ASB18: variants seen among roughly 807,000 people sequenced by gnomAD.
ASB18 encodes the protein ankyrin repeat and SOCS box containing 18.
A neutral mutation model predicts 33.4 loss-of-function variants in ASB18; 33 were observed. The ratio of observed to expected loss-of-function variants is 0.99; its 90% CI spans 0.75 to 1.32. ASB18 has a LOEUF of 1.32. Ranked by LOEUF, ASB18 falls within the 40% of genes most tolerant of loss-of-function variation. The pLI is 0.00. For synonymous variants in ASB18, 295 were observed against 307.6 expected (o/e 0.96, Z 0.43); for missense variants, 694 against 655.5 (o/e 1.06, Z -0.64).
chr2:236,264,342 A>G lies in ASB18; in HGVS notation c.4T>C (p.Ser2Pro). 6 of 1,613,920 alleles carry G rather than the reference A, an allele frequency of 3.7e-6. No individual in the cohort carries two copies. The highest frequency in any genetic ancestry group is 4.2e-6 in the Non-Finnish European group (5 of 1,179,806). M[S>P]NSDYLPDYPL... ...TAGTCGGGAAGGTAATCCGAGTTGG[A>G]CATTGTTACGTCGTTTCTGCAGTGA... The change falls in exon 1 of 6, where the codon TCC (serine) becomes CCC (proline). Residue 2 changes from serine (S) to proline (P), a missense_variant. Coordinates refer to ENST00000409749, the MANE Select transcript of ASB18 (RefSeq NM_212556.4). The surrounding 1 kb of genome is among the most constrained non-coding windows in gnomAD (Gnocchi z 5.1).
Position 236,250,557 on chromosome 2 carries a change from T to A in ASB18, c.206-9155A>T, listed in dbSNP as rs2060664013. The A allele has an allele frequency of 6.6e-6, 1 of 152,236 alleles. No homozygotes were observed. The highest frequency in any genetic ancestry group is 2.4e-5 in the African/African-American group (1 of 41,458). The allele number at this position is 152,236 out of a possible 1,614,324, so 9.4% of individuals were successfully genotyped here. A position where few individuals can be genotyped will look rare whatever the true frequency, so the allele number is the denominator to read the frequency against. ...GGTCAATTTCCTTCACCCCTTTTTTTACCTGGAGGGTTTCTGTAAATGGCC... is the reference window on the plus strand; with the variant it reads ...GGTCAATTTCCTTCACCCCTTTTTTAACCTGGAGGGTTTCTGTAAATGGCC... On this transcript the variant is annotated intron_variant, in intron 1 of 5. Coordinates refer to ENST00000409749, the MANE Select transcript of ASB18 (RefSeq NM_212556.4). This position sits in a 1 kb window ranked among gnomAD's most constrained non-coding sequence, Gnocchi z 4.1.
chr2:236,227,953 C>T (rs2060548244), intron 3 of ASB18, among the ~76,000 whole-genome samples: 1 of 152,212 alleles, frequency 6.6e-6, no homozygotes, highest in African/African-American at 2.4e-5. Context: ...AGCCTCAGCC[C>T]CTTACAGGGT....
rs899692241 is a variant in ASB18, at chr2:236,231,570, C to T, written c.596+6119G>A. On this transcript the variant is annotated intron_variant, in intron 3 of 5. Coordinates refer to ENST00000409749, the MANE Select transcript of ASB18 (RefSeq NM_212556.4). This position sits in a 1 kb window ranked among gnomAD's most constrained non-coding sequence, Gnocchi z 5.5. ...AATCTGCTGGCAACTTGATCTTGGA[C>T]TTCCCAGCCTCCAGGACTGTGAGAA... Among the ~76,000 whole-genome samples the T allele has an allele frequency of 1.2e-4, 19 of 152,168 alleles. No individual in the cohort carries two copies. Among genetic ancestry groups the T allele is most frequent in the Admixed American group, 1.2e-3 (19 of 15,266 alleles).
At position 236,252,476 on chromosome 2, in the gene ASB18, C is replaced by G. The variant is rs2060672665; in HGVS notation, c.206-11074G>C. ...ATGGGGTAGGGATAGGGCCAGCTTC[C>G]CCCTAATATGGCATCTGAGCAAAGT... is the stretch of plus-strand genomic sequence containing the variant. On this transcript the variant is annotated intron_variant, in intron 1 of 5. Transcript: ENST00000409749. The surrounding 1 kb of genome is among the most constrained non-coding windows in gnomAD (Gnocchi z 7.9). Among the ~76,000 whole-genome samples, 1 of 152,042 alleles carries G rather than the reference C, an allele frequency of 6.6e-6. No individual in the cohort carries two copies. The highest frequency in any genetic ancestry group is 2.4e-5 in the African/African-American group (1 of 41,366).
At position 236,244,808 on chromosome 2, in the gene ASB18, C is replaced by T. The variant is rs1193187787; in HGVS notation, c.206-3406G>A. 6.6e-5 allele frequency among the ~76,000 whole-genome samples: 10 copies of T among 152,272 alleles called. No homozygotes were observed. The highest frequency in any genetic ancestry group is 1.9e-4 in the East Asian group (1 of 5,180). ...TTGCAGCAAAGGGTGGAGTAGAAAT[C>T]GAACACATTTATGGTTTGATATAGA... On this transcript the variant is annotated intron_variant, in intron 1 of 5. Coordinates refer to ENST00000409749, the MANE Select transcript of ASB18 (RefSeq NM_212556.4). This position sits in a 1 kb window ranked among gnomAD's most constrained non-coding sequence, Gnocchi z 6.1.
chr2:236,237,759 C>T lies in ASB18; in HGVS notation c.526G>A (p.Ala176Thr). ...ACVRLLLQHRADPDLLSAEGL... is the reference protein window; with the variant it reads ...ACVRLLLQHRTDPDLLSAEGL... ...TCGGCGCTGAGCAGGTCGGGGTCGGCGCGGTGCTGCAGCAGCAGGCGGACG... is the reference window on the plus strand; with the variant it reads ...TCGGCGCTGAGCAGGTCGGGGTCGGTGCGGTGCTGCAGCAGCAGGCGGACG... The change falls in exon 3 of 6, where the codon GCC becomes ACC. Residue 176 changes from alanine to threonine, a missense_variant. By Grantham distance (58) the Ala-to-Thr change is moderately conservative. Transcript: ENST00000409749. This position sits in a 1 kb window ranked among gnomAD's most constrained non-coding sequence, Gnocchi z 6.2. 5.5e-6 allele frequency: 8 copies of T among 1,454,212 alleles called. No individual in the cohort carries two copies. The highest frequency in any genetic ancestry group is 6.3e-6 in the Non-Finnish European group (7 of 1,108,500). The allele number at this position is 1,454,212 out of a possible 1,614,324, so 90.1% of individuals were successfully genotyped here.
rs993408092 is a variant in ASB18, at chr2:236,261,871, C to G, written c.205+2270G>C. On this transcript the variant is annotated intron_variant, in intron 1 of 5. Coordinates refer to ENST00000409749, the MANE Select transcript of ASB18 (RefSeq NM_212556.4). ...AAGGAGAGCCAAGTGAAAGGGGAAG[C>G]CCCTTATAAAACCATCAGATCTCGT... Among the ~76,000 whole-genome samples, 4 of 152,236 alleles carry G rather than the reference C, an allele frequency of 2.6e-5. No individual in the cohort carries two copies. In the East Asian group the frequency reaches 7.7e-4, roughly 29 times the overall value.
rs556181632 is a variant in ASB18, at chr2:236,220,208, C to T, written c.597-5342G>A. On this transcript the variant is annotated intron_variant, in intron 3 of 5. Transcript: ENST00000409749. This position sits in a 1 kb window ranked among gnomAD's most constrained non-coding sequence, Gnocchi z 5.1. ...GGGACTTTGGCCACTCCCTGCACAC[C>T]CTCCCATCCACCCTCCAGCACCTTC... Among the ~76,000 whole-genome samples the T allele has an allele frequency of 6.6e-6, 1 of 152,302 alleles. No homozygotes were observed. Among genetic ancestry groups the T allele is most frequent in the Admixed American group, 6.5e-5 (1 of 15,302 alleles).
chr2:236,252,267 T>TCTCACACA lies in ASB18; in HGVS notation c.206-10866_206-10865insTGTGTGAG, dbSNP rs141179555. On this transcript the variant is annotated intron_variant, in intron 1 of 5. Coordinates refer to ENST00000409749, the MANE Select transcript of ASB18 (RefSeq NM_212556.4). The surrounding 1 kb of genome is among the most constrained non-coding windows in gnomAD (Gnocchi z 7.9). Reference sequence around the variant, plus strand: ...GCCTTGGCAACAGAGTGAGACTCCGTCACACACACACACACACACACACAC... The same window carrying TCTCACACA: ...GCCTTGGCAACAGAGTGAGACTCCGTCTCACACACACACACACACACACACACACACAC... Among the ~76,000 whole-genome samples, 7 of 138,580 alleles carry TCTCACACA rather than the reference T, an allele frequency of 5.1e-5. No individual in the cohort carries two copies. The highest frequency in any genetic ancestry group is 9.4e-5 in the Non-Finnish European group (6 of 63,826). The allele number at this position is 138,580 out of a possible 152,430, so 90.9% of individuals were successfully genotyped here.
rs1217346447 is a variant in ASB18, at chr2:236,237,362, G to GGGGGCC, written c.596+321_596+326dup. On this transcript the variant is annotated intron_variant, in intron 3 of 5. Transcript: ENST00000409749. The surrounding 1 kb of genome is among the most constrained non-coding windows in gnomAD (Gnocchi z 6.2). ...GGGGGCCGGGGCCGGGGCGCGGGGC[G>GGGGGCC]GGGGCCGGGGCCGGGGCGCGGGGCG... is the stretch of plus-strand genomic sequence containing the variant. 2.9e-3 allele frequency among the ~76,000 whole-genome samples: 279 copies of GGGGGCC among 97,594 alleles called. 8 individuals are homozygous for GGGGGCC. The highest frequency in any genetic ancestry group is 5.4e-3 in the South Asian group (16 of 2,976). 64.0% of individuals were successfully genotyped at this position (97,594 alleles called of 152,430 possible). A position where few individuals can be genotyped will look rare whatever the true frequency, so the allele number is the denominator to read the frequency against.
At chr2:236,258,440 C>T (rs1183706400) in intron 1 of ASB18, among the ~76,000 whole-genome samples, 3 of 152,208 alleles carry the variant, frequency 2.0e-5, no homozygotes, top group African/African-American at 7.2e-5. Flanking sequence ...GGGTCCCCTT[C>T]CTCTCAGTCC....
intron 4 of ASB18, among the ~76,000 whole-genome samples, chr2:236,206,296 C>T (rs1485923565): frequency 6.6e-6 from 1 of 151,760 alleles, no homozygotes; most frequent in African/African-American, 2.4e-5. Flanking sequence ...TTAATCCAAT[C>T]ATGGTAAACC....
At chr2:236,206,716 AAAC>A (rs1392013548) in intron 4 of ASB18, among the ~76,000 whole-genome samples, 1 of 152,248 alleles carries the variant, frequency 6.6e-6, no homozygotes, top group Non-Finnish European at 1.5e-5. Context: ...TTTCAACCAG[AAAC>A]AACTTTACAC....
At position 236,195,951 on chromosome 2, in the gene ASB18, A is replaced by T. The variant is rs546220234; in HGVS notation, c.1215+321T>A. 17 of 388,882 alleles carry T rather than the reference A, an allele frequency of 4.4e-5. No homozygotes were observed. The highest frequency in any genetic ancestry group is 8.4e-4 in the Middle Eastern group (1 of 1,192). 24.1% of individuals were successfully genotyped at this position (388,882 alleles called of 1,614,324 possible). On this transcript the variant is annotated intron_variant, in intron 5 of 5. Transcript: ENST00000409749. This position sits in a 1 kb window ranked among gnomAD's most constrained non-coding sequence, Gnocchi z 5.5. The stretch of plus-strand genomic sequence containing the variant: ...CACAGGGCCGGATTAGTATGTCCTG[A>T]CGTGGAGCTAGGCCCGTGGATTCAG...
chr2:236,229,906 A>C lies in ASB18; in HGVS notation c.596+7783T>G, dbSNP rs2060556900. 6.6e-6 allele frequency among the ~76,000 whole-genome samples: 1 copy of C among 152,166 alleles called. No individual in the cohort carries two copies. Among genetic ancestry groups the C allele is most frequent in the Admixed American group, 6.5e-5 (1 of 15,274 alleles). ...CCTCATAACCAAATTGCTTAAAACC[A>C]GTGATTAGAGAAAATCTTAAAGCCA... On this transcript the variant is annotated intron_variant, in intron 3 of 5. Transcript: ENST00000409749. The surrounding 1 kb of genome is among the most constrained non-coding windows in gnomAD (Gnocchi z 5.2).
Position 236,263,022 on chromosome 2 carries a change from G to T in ASB18, c.205+1119C>A, listed in dbSNP as rs6752911. On this transcript the variant is annotated intron_variant, in intron 1 of 5. Transcript: ENST00000409749. The surrounding 1 kb of genome is among the most constrained non-coding windows in gnomAD (Gnocchi z 4.0). ...GCATGTTGCGCACACGTGTGCATGTGATGCATGTACTTGCGTGTGCGTGTG... is the reference window on the plus strand; with the variant it reads ...GCATGTTGCGCACACGTGTGCATGTTATGCATGTACTTGCGTGTGCGTGTG... 0.016 allele frequency among the ~76,000 whole-genome samples: 2,470 copies of T among 151,946 alleles called. 70 individuals carry two copies. Among genetic ancestry groups the T allele is most frequent in the African/African-American group, 0.057 (2,361 of 41,214 alleles).
Position 236,214,884 on chromosome 2 carries a change from C to T in ASB18, c.597-18G>A, listed in dbSNP as rs1205363896. On this transcript the variant is annotated intron_variant, in intron 3 of 5. Transcript: ENST00000409749. The surrounding 1 kb of genome is among the most constrained non-coding windows in gnomAD (Gnocchi z 6.5). The stretch of plus-strand genomic sequence containing the variant: ...GCGCGCACCTGTGGGAAGCCAGGGC[C>T]TGTCACTCGGGCGCCACGCAGGACG... The T allele has an allele frequency of 1.7e-6, 2 of 1,209,018 alleles. No individual in the cohort carries two copies. The highest frequency in any genetic ancestry group is 2.1e-6 in the Non-Finnish European group (2 of 973,184). The allele number at this position is 1,209,018 out of a possible 1,614,324, so 74.9% of individuals were successfully genotyped here.
Position 236,198,577 on chromosome 2 carries a change from A to G in ASB18, c.1102-2192T>C, listed in dbSNP as rs374158805. On this transcript the variant is annotated intron_variant, in intron 4 of 5. Coordinates refer to ENST00000409749, the MANE Select transcript of ASB18 (RefSeq NM_212556.4). ...GAGACAGAGTTTCACCATGTTGGCC[A>G]GGCTGGTCTTGAACTCCTGACCTCA... Among the ~76,000 whole-genome samples, 6 of 152,286 alleles carry G rather than the reference A, an allele frequency of 3.9e-5. No homozygotes were observed. The East Asian group carries it at 7.7e-4, about 20-fold the overall frequency.
In ASB18 at chr2:236,234,583, G is replaced by A. The variant is rs11685999; in HGVS notation, c.596+3106C>T. On this transcript the variant is annotated intron_variant, in intron 3 of 5. Coordinates refer to ENST00000409749, the MANE Select transcript of ASB18 (RefSeq NM_212556.4). The surrounding 1 kb of genome is among the most constrained non-coding windows in gnomAD (Gnocchi z 4.1). ...TCAGACTTTGCCCTGCTTTGCACAT[G>A]CTTGACAAGAGAGCTCAGAAATAAA... 0.17 allele frequency among the ~76,000 whole-genome samples: 25,304 copies of A among 152,116 alleles called. 2,172 individuals are homozygous for A. Among genetic ancestry groups the A allele is most frequent in the South Asian group, 0.24 (1,160 of 4,824 alleles).
Sources: gnomAD v4.1 joint callset for allele counts (sites outside exome capture counted in the v4.1 genomes callset) on GRCh38, gnomAD v4.1.1 for gene constraint, Gnocchi (gnomAD v3.1) non-coding constraint, MANE v1.5 for transcripts, NCBI Gene and HGNC (gene_info 2026-07-23, HGNC 2026-07-21) for gene names.